Variants in DGKA observed in about 807,000 individuals in gnomAD.
The protein encoded by DGKA is 80 kDa diacylglycerol kinase.
In DGKA, 35 loss-of-function variants were observed where a neutral mutation model predicts 105.0. The ratio of observed to expected loss-of-function variants is 0.33; its 90% CI spans 0.25 to 0.44. The LOEUF is 0.44. Among genes scored for constraint, DGKA ranks in the 20% least tolerant of loss-of-function variants. The pLI, the probability that DGKA is intolerant of heterozygous loss-of-function variation, is 1.00. For synonymous variants in DGKA, 296 were observed against 332.0 expected, an observed-to-expected ratio of 0.89 and a Z score of 1.18; for missense variants, 665 against 915.0, an observed-to-expected ratio of 0.73 and a Z score of 3.53.
chr12:55,941,545 G>C lies in DGKA; in HGVS notation c.1211G>C (p.Arg404Pro). 5 of 1,614,100 alleles carry C rather than the reference G, an allele frequency of 3.1e-6. No individual in the cohort carries two copies. Among genetic ancestry groups the C allele is most frequent in the Non-Finnish European group, 4.2e-6 (5 of 1,180,032 alleles). Reference protein sequence around the residue: ...LWKFQYILNPRQVFNLLKDGP... With the variant: ...LWKFQYILNPPQVFNLLKDGP... ...AAGTTCCAGTATATATTAAACCCTC[G>C]ACAGGTGTTCAACCTCCTAAAGGAT... The change falls in exon 15 of 24, where the codon CGA becomes CCA. Residue 404 changes from arginine to proline, a missense_variant. Arg to Pro is a moderately radical substitution (Grantham distance 103). Coordinates refer to ENST00000331886, the MANE Select transcript of DGKA (RefSeq NM_001345.5).
chr12:55,951,819 G>C (rs373352734), intron 18 of DGKA, 36 bp downstream of exon 18: 34 of 1,605,292 alleles, frequency 2.1e-5, no homozygotes, highest in Admixed American at 3.4e-5. Context: ...AGGGAGAAAG[G>C]GGGGGCCAAG....
Position 55,951,776 on chromosome 12 carries a change from T to C in DGKA, c.1580T>C (p.Ile527Thr), listed in dbSNP as rs939696636. ...PFQIINNYFS[I>T]GVDASIAHRF... is the part of the protein sequence containing the mutation. ...CAAATCATCAATAACTACTTCTCTA[T>C]TGGCGTGGTCAGTGGAATGGGGCCT... The change falls in exon 18 of 24, where the codon ATT becomes ACT. Residue 527 changes from isoleucine (I) to threonine (T), a missense_variant. Physicochemically the swap from Ile to Thr is moderately conservative, Grantham distance 89. Coordinates refer to ENST00000331886, the MANE Select transcript of DGKA (RefSeq NM_001345.5). The C allele has an allele frequency of 1.9e-6, 3 of 1,613,466 alleles. No individual in the cohort carries two copies. The highest frequency in any genetic ancestry group is 2.5e-6 in the Non-Finnish European group (3 of 1,179,906).
rs188270407 is a variant in DGKA, at chr12:55,948,257, G to A, written c.1427-3366G>A. Among the ~76,000 whole-genome samples, 3 of 151,864 alleles carry A rather than the reference G, an allele frequency of 2.0e-5. No individual in the cohort carries two copies. The East Asian group carries it at 6.0e-4, about 30-fold the overall frequency. On this transcript the variant is annotated intron_variant, in intron 17 of 23. Coordinates refer to ENST00000331886, the MANE Select transcript of DGKA (RefSeq NM_001345.5). The stretch of plus-strand genomic sequence containing the variant: ...TCTACTAAAAATACAAAAATCAGCT[G>A]GGTGTGGTGGCAGGCACCTGTAATC...
At position 55,932,736 on chromosome 12, in the gene DGKA, CA is replaced by C; in HGVS notation, c.-82+1393del. 2 of 612,308 alleles carry C rather than the reference CA, an allele frequency of 3.3e-6. No individual in the cohort carries two copies. The highest frequency in any genetic ancestry group is 5.9e-6 in the Non-Finnish European group (2 of 337,852). The allele number at this position is 612,308 out of a possible 1,614,324, so 37.9% of individuals were successfully genotyped here. On this transcript the variant is annotated intron_variant, in intron 1 of 23. Transcript: ENST00000331886. This position sits in a 1 kb window ranked among gnomAD's most constrained non-coding sequence, Gnocchi z 4.3. ...ACACACACACACACACACACACACA[CA>C]CACAACCCCCTCAGCCAGGTGTAGC...
At chr12:55,939,998 A>G (rs917215078) in intron 9 of DGKA, 84 bp from the exon 10 acceptor site, 2 of 1,270,092 alleles carry the variant, frequency 1.6e-6, no homozygotes, top group African/African-American at 2.9e-5. Context: ...GGGATCACAT[A>G]TCTGATCCTG....
chr12:55,934,892 A>G (rs1884339325), intron 1 of DGKA, among the ~76,000 whole-genome samples: 1 of 152,216 alleles, frequency 6.6e-6, no homozygotes, highest in African/African-American at 2.4e-5. Context: ...TCCCAGGCAG[A>G]CAGAACAGTA....
chr12:55,936,221 A>G, intron 1 of DGKA: 4 of 599,830 alleles, frequency 6.7e-6, no homozygotes, highest in East Asian at 4.0e-5. Flanking sequence ...TCAGAGAAAC[A>G]GAGACAGAGG....
Position 55,932,692 on chromosome 12 carries a change from TACACAC to T in DGKA, c.-82+1359_-82+1364del. 2 of 580,576 alleles carry T rather than the reference TACACAC, an allele frequency of 3.4e-6. No homozygotes were observed. The highest frequency in any genetic ancestry group is 3.1e-6 in the Non-Finnish European group (1 of 323,042). The allele number at this position is 580,576 out of a possible 1,614,324, so 36.0% of individuals were successfully genotyped here. On this transcript the variant is annotated intron_variant, in intron 1 of 23. Transcript: ENST00000331886. The surrounding 1 kb of genome is among the most constrained non-coding windows in gnomAD (Gnocchi z 4.3). Reference sequence around the variant, plus strand: ...TCCTATACTACGCAATGACACCCTCTACACACACACACACACGCACACACACACACA... The same window carrying T: ...TCCTATACTACGCAATGACACCCTCTACACACACACGCACACACACACACA...
chr12:55,952,890 A>C lies in DGKA; in HGVS notation c.1900A>C (p.Lys634Gln). Reference protein sequence around the residue: ...GINQALGATAKVITDPDILKT... With the variant: ...GINQALGATAQVITDPDILKT... Reference sequence around the variant, plus strand: ...CAACCAGGCCTTAGGTGCTACAGCTAAAGTCATCACCGACCCTGATATCCT... The same window carrying C: ...CAACCAGGCCTTAGGTGCTACAGCTCAAGTCATCACCGACCCTGATATCCT... Residue 634 changes from lysine (K) to glutamine (Q), a missense_variant, in exon 21 of 24, where the codon AAA becomes CAA. Physicochemically the swap from Lys to Gln is moderately conservative, Grantham distance 53. Around this residue, in one of 3 missense-constraint regions of DGKA, gnomAD observed 158 missense variants for 213.4 expected, o/e 0.74. Coordinates refer to ENST00000331886, the MANE Select transcript of DGKA (RefSeq NM_001345.5). The surrounding 1 kb of genome is among the most constrained non-coding windows in gnomAD (Gnocchi z 5.1). The C allele has an allele frequency of 6.2e-7, 1 of 1,614,208 alleles. No homozygotes were observed. Among genetic ancestry groups the C allele is most frequent in the South Asian group, 1.1e-5 (1 of 91,088 alleles).
At chr12:55,944,071 A>C (rs902792387) in intron 17 of DGKA, among the ~76,000 whole-genome samples, 1 of 152,178 alleles carries the variant, frequency 6.6e-6, no homozygotes, top group Non-Finnish European at 1.5e-5. Context: ...CAAGGTCAGA[A>C]GATCGCTTTA....
intron 17 of DGKA, among the ~76,000 whole-genome samples, chr12:55,946,241 G>T (rs1004413933): frequency 6.6e-6 from 1 of 152,012 alleles, no homozygotes; most frequent in Non-Finnish European, 1.5e-5. Flanking sequence ...CACGGTCTGG[G>T]CTCAATACCA....
chr12:55,935,976 G>A, intron 1 of DGKA: 2 of 989,514 alleles, frequency 2.0e-6, no homozygotes, highest in Non-Finnish European at 2.4e-6. Flanking sequence ...TCACTCAGAG[G>A]GCCGGAACTG....
At position 55,941,258 on chromosome 12, in the gene DGKA, C is replaced by G. The variant is rs769495164; in HGVS notation, c.1108C>G (p.Pro370Ala). ...TTTTCTTCCCCCAATGCAGATTGAC[C>G]CTGTTCCTAACACCCACCCACTTCT... ...LSTSEALRID[P>A]VPNTHPLLVF... Residue 370 changes from proline (P) to alanine (A), a missense_variant, in exon 14 of 24, where the codon CCT becomes GCT. Pro to Ala is a conservative substitution (Grantham distance 27, BLOSUM62 -1). Transcript: ENST00000331886. The G allele has an allele frequency of 1.2e-6, 2 of 1,612,938 alleles. No homozygotes were observed. The highest frequency in any genetic ancestry group is 2.7e-5 in the African/African-American group (2 of 74,876).
chr12:55,946,811 G>A (rs1372255751), intron 17 of DGKA, among the ~76,000 whole-genome samples: 1 of 152,184 alleles, frequency 6.6e-6, no homozygotes, highest in African/African-American at 2.4e-5. Context: ...ACTTTCAAGA[G>A]TTAAAATGAG....
chr12:55,938,124 C>A, intron 5 of DGKA, 72 bp downstream of exon 5: 1 of 1,380,302 alleles, frequency 7.2e-7, no homozygotes, highest in South Asian at 1.2e-5. Context: ...CCTCCTTTCC[C>A]TTATTCCTTC....
chr12:55,927,493 T>G (rs541118805), upstream of DGKA: 57 of 691,176 alleles, frequency 8.2e-5, no homozygotes, highest in African/African-American at 2.9e-4. Context: ...AGGAAGAATA[T>G]CCAGGCTCTG....
At chr12:55,927,490 A>G (rs914499052), upstream of DGKA, 1 of 691,216 alleles carries the variant, frequency 1.4e-6, no homozygotes, top group Non-Finnish European at 2.5e-6. Flanking sequence ...GAAAGGAAGA[A>G]TATCCAGGCT....
At chr12:55,939,931 G>T (rs1165536671) in intron 9 of DGKA, 151 bp from the exon 10 acceptor site, 2 of 679,112 alleles carry the variant, frequency 2.9e-6, no homozygotes, top group Non-Finnish European at 5.2e-6. Context: ...GAAAAGGCGT[G>T]GGTTTTGGAG....
In DGKA at chr12:55,932,833, G is replaced by C. The variant is rs1438839746; in HGVS notation, c.-82+1489G>C. ...TCAAGCAAATGATTCCCTCTTGAGGGCTACCTACTAGCAGCAACGGTCAGG... is the reference window on the plus strand; with the variant it reads ...TCAAGCAAATGATTCCCTCTTGAGGCCTACCTACTAGCAGCAACGGTCAGG... On this transcript the variant is annotated intron_variant, in intron 1 of 23. Transcript: ENST00000331886. This position sits in a 1 kb window ranked among gnomAD's most constrained non-coding sequence, Gnocchi z 4.3. 4 of 514,702 alleles carry C rather than the reference G, an allele frequency of 7.8e-6. No individual in the cohort carries two copies. Among genetic ancestry groups the C allele is most frequent in the South Asian group, 2.4e-5 (1 of 42,302 alleles). 31.9% of individuals were successfully genotyped at this position (514,702 alleles called of 1,614,324 possible).
Sources: gnomAD v4.1 joint callset for allele counts (sites outside exome capture counted in the v4.1 genomes callset) on GRCh38, gnomAD v4.1.1 for gene constraint, gnomAD v4.1.1 regional missense constraint, Gnocchi (gnomAD v3.1) non-coding constraint, MANE v1.5 for transcripts, NCBI Gene and HGNC (gene_info 2026-07-23, HGNC 2026-07-21) for gene names.